The following PATJ variants were observed in gnomAD, a reference collection of about 807,000 sequenced individuals.
The protein encoded by PATJ is PATJ crumbs cell polarity complex component.
A neutral mutation model predicts 224.9 loss-of-function variants in PATJ; 190 were observed. The ratio of observed to expected loss-of-function variants is 0.84; its 90% CI spans 0.75 to 0.95. The LOEUF is 0.95. PATJ is among the 40% of genes least tolerant of loss of function. The pLI is 0.00. For missense variants in PATJ, 2,121 were observed against 2,270.3 expected (o/e 0.93, Z 1.34); for synonymous variants, 769 against 820.3 (o/e 0.94, Z 1.07).
In PATJ at chr1:61,964,299, C is replaced by T. The variant is rs566119907; in HGVS notation, c.3671-25869C>T. Among the ~76,000 whole-genome samples the T allele has an allele frequency of 1.4e-4, 21 of 151,598 alleles. 1 individual carries two copies. Among genetic ancestry groups the T allele is most frequent in the African/African-American group, 4.8e-4 (20 of 41,386 alleles). On this transcript the variant is annotated intron_variant, in intron 27 of 43. Transcript: ENST00000642238. ...GTTTCACCATGTTGGCAAGGCTGGT[C>T]TCAAACTCCTGACCTCAGGTAAACC...
At chr1:61,987,589 C>CA (rs1644833802) in intron 27 of PATJ, among the ~76,000 whole-genome samples, 1 of 152,166 alleles carries the variant, frequency 6.6e-6, no homozygotes, top group African/African-American at 2.4e-5. Context: ...AGCCTCCTCT[C>CA]AACCCCCCAT....
chr1:61,858,397 G>A (rs1664035193), intron 18 of PATJ, among the ~76,000 whole-genome samples: 1 of 152,066 alleles, frequency 6.6e-6, no homozygotes, highest in African/African-American at 2.4e-5. Context: ...AAGTAGCTGG[G>A]ACTTCAGGCG....
At chr1:61,983,611 G>C (rs569643357) in intron 27 of PATJ, among the ~76,000 whole-genome samples, 1 of 152,178 alleles carries the variant, frequency 6.6e-6, no homozygotes, top group South Asian at 2.1e-4. Context: ...TGTCAGAACA[G>C]TGTGTCCTAG....
At position 61,927,724 on chromosome 1, in the gene PATJ, C is replaced by T; in HGVS notation, c.3571-6C>T. On this transcript the variant is annotated splice_region_variant and splice_polypyrimidine_tract_variant and intron_variant, in intron 26 of 43. Transcript: ENST00000642238. ...TTAACCCTTCTCTCAAATTTTGCAT[C>T]TTCAGAGGCAAGGAACTGCTCCACC... 1 of 1,604,252 alleles carries T rather than the reference C, an allele frequency of 6.2e-7. No homozygotes were observed. Among genetic ancestry groups the T allele is most frequent in the Non-Finnish European group, 8.5e-7 (1 of 1,173,444 alleles).
At chr1:61,900,780 G>T (rs897333153) in intron 23 of PATJ, among the ~76,000 whole-genome samples, 4 of 151,910 alleles carry the variant, frequency 2.6e-5, no homozygotes, top group African/African-American at 9.7e-5. Context: ...TAGTAGAGAC[G>T]GGGTTTCACC....
intron 25 of PATJ, among the ~76,000 whole-genome samples, 171 bp from the exon 26 acceptor site, chr1:61,914,416 A>C (rs1358924874): frequency 6.6e-6 from 1 of 152,180 alleles, no homozygotes; most frequent in Non-Finnish European, 1.5e-5. Flanking sequence ...AGATTGTGCC[A>C]TTGCACTCCA....
chr1:61,763,081 C>T lies in PATJ; in HGVS notation c.91C>T (p.Gln31Ter), dbSNP rs765091391. ...ATTGCAGGAGAAGGGTGACACGTCG[C>T]AGAATGAGAAGTTATCTATGTTTTA... ...MKLQEKGDTS[Q>*]NEKLSMFYET... The change falls in exon 3 of 44, where the codon CAG becomes TAG. Residue 31 changes from glutamine (Q) to a stop codon, truncating the protein, a stop_gained. Transcript: ENST00000642238. LOFTEE classifies it high-confidence loss of function. The T allele has an allele frequency of 6.2e-7, 1 of 1,611,164 alleles. No individual in the cohort carries two copies. The highest frequency in any genetic ancestry group is 8.5e-7 in the Non-Finnish European group (1 of 1,178,076).
intron 17 of PATJ, among the ~76,000 whole-genome samples, chr1:61,854,511 T>C (rs564533033): frequency 6.6e-6 from 1 of 152,332 alleles, no homozygotes; most frequent in South Asian, 2.1e-4. Context: ...CAACTCTTTG[T>C]TTCCCGTTTC....
At chr1:61,879,063 C>T (rs1465869669) in intron 21 of PATJ, among the ~76,000 whole-genome samples, 4 of 152,198 alleles carry the variant, frequency 2.6e-5, no homozygotes. Context: ...GGATTACAGG[C>T]GTGAGCCACC....
intron 28 of PATJ, among the ~76,000 whole-genome samples, chr1:62,017,317 G>A (rs1570073769): frequency 6.6e-6 from 1 of 152,006 alleles, no homozygotes; most frequent in African/African-American, 2.4e-5. Context: ...GGGAGGCTGA[G>A]GCAGGAGAAT....
intron 27 of PATJ, chr1:61,952,172 G>A (rs959824477): frequency 2.1e-6 from 1 of 482,498 alleles, no homozygotes; most frequent in African/African-American, 1.9e-5. Context: ...TTTAGCTTGA[G>A]GACTAGCTTG....
chr1:62,033,532 G>A (rs1194854553), intron 29 of PATJ, among the ~76,000 whole-genome samples: 1 of 152,186 alleles, frequency 6.6e-6, no homozygotes. Context: ...AAGCCTCTGG[G>A]AGAGAGAATT....
At chr1:61,919,515 G>T (rs79581191) in intron 26 of PATJ, among the ~76,000 whole-genome samples, 1,792 of 151,946 alleles carry the variant, frequency 0.012, 42 homozygotes, top group African/African-American at 0.041. Context: ...ATGTTGCGCA[G>T]GCTGATCTCA....
At chr1:61,759,313 C>A (rs936242322) in intron 1 of PATJ, among the ~76,000 whole-genome samples, 3 of 152,138 alleles carry the variant, frequency 2.0e-5, no homozygotes, top group Non-Finnish European at 2.9e-5. Context: ...AGATTGGACA[C>A]CCCTGTGGCT....
At chr1:62,058,431 G>A (rs1216764202) in intron 31 of PATJ, among the ~76,000 whole-genome samples, 1 of 152,126 alleles carries the variant, frequency 6.6e-6, no homozygotes, top group Admixed American at 6.5e-5. Flanking sequence ...CACCTGTATT[G>A]CCAAATGGAC....
intron 27 of PATJ, chr1:61,952,115 C>T (rs1679773719): frequency 2.4e-6 from 1 of 423,664 alleles, no homozygotes; most frequent in Admixed American, 3.7e-5. Flanking sequence ...TTTTGCTTCT[C>T]CGGCATAGTT....
intron 15 of PATJ, 51 bp from the exon 16 acceptor site, chr1:61,827,371 T>C: frequency 6.8e-7 from 1 of 1,463,990 alleles, no homozygotes; most frequent in Non-Finnish European, 9.1e-7. Context: ...GAGATTTTTG[T>C]TTTTTCATTT....
chr1:61,812,433 A>AGAGAGTGTGT lies in PATJ; in HGVS notation c.1683+3904_1683+3905insAGAGTGTGTG, dbSNP rs1397549346. Among the ~76,000 whole-genome samples the AGAGAGTGTGT allele has an allele frequency of 2.2e-3, 190 of 85,184 alleles. 2 individuals are homozygous for AGAGAGTGTGT. The highest frequency in any genetic ancestry group is 7.9e-3 in the African/African-American group (177 of 22,376). The allele number at this position is 85,184 out of a possible 152,430, so 55.9% of individuals were successfully genotyped here. A position where few individuals can be genotyped will look rare whatever the true frequency, so the allele number is the denominator to read the frequency against. On this transcript the variant is annotated intron_variant, in intron 14 of 43. Coordinates refer to ENST00000642238, the MANE Select transcript of PATJ (RefSeq NM_001350145.3). The stretch of plus-strand genomic sequence containing the variant: ...GAGAGAGAGAGAGAGAGAGAGAGAG[A>AGAGAGTGTGT]GTGTGTGTGTGTGTGTGTGTGTGTG...
intron 29 of PATJ, among the ~76,000 whole-genome samples, chr1:62,034,484 A>T (rs531556963): frequency 4.6e-5 from 7 of 151,276 alleles, no homozygotes; most frequent in African/African-American, 1.7e-4. Flanking sequence ...AAGCAAACAG[A>T]TATCATTACT....
Sources: gnomAD v4.1 joint callset for allele counts (sites outside exome capture counted in the v4.1 genomes callset) on GRCh38, gnomAD v4.1.1 for gene constraint, MANE v1.5 for transcripts, NCBI Gene and HGNC (gene_info 2026-07-23, HGNC 2026-07-21) for gene names.